PTPRQ: variants seen among roughly 807,000 people sequenced by gnomAD.
PTPRQ encodes the protein phosphatidylinositol phosphatase PTPRQ.
A neutral mutation model predicts 246.0 loss-of-function variants in PTPRQ; 199 were observed. The observed-to-expected ratio is 0.81, with a 90% confidence interval of 0.72 to 0.91. PTPRQ has a LOEUF of 0.91. Among genes scored for constraint, PTPRQ ranks in the 40% least tolerant of loss-of-function variants. The probability of loss-of-function intolerance (pLI) is 0.00; values close to 1 mark genes in which losing one functional copy is unlikely to be tolerated. For synonymous variants in PTPRQ, 869 were observed against 853.2 expected (o/e 1.02, Z -0.32); for missense variants, 2,624 against 2,528.4 (o/e 1.04, Z -0.81).
At chr12:80,481,570 A>G (rs916889555) in intron 8 of PTPRQ, among the ~76,000 whole-genome samples, 1 of 152,144 alleles carries the variant, frequency 6.6e-6, no homozygotes, top group Non-Finnish European at 1.5e-5. Context: ...AATTAGGAAA[A>G]GAGGAAGTCA....
At chr12:80,605,248 A>G in intron 27 of PTPRQ, 68 bp downstream of exon 27, 1 of 1,496,790 alleles carries the variant, frequency 6.7e-7, no homozygotes, top group South Asian at 1.3e-5. Context: ...TTGGAACCAG[A>G]CTATTTGAAT....
chr12:80,516,189 A>G (rs1895294207), intron 17 of PTPRQ, among the ~76,000 whole-genome samples: 1 of 152,146 alleles, frequency 6.6e-6, no homozygotes, highest in South Asian at 2.1e-4. Flanking sequence ...GAACTTATTT[A>G]TTTACTATTT....
intron 3 of PTPRQ, among the ~76,000 whole-genome samples, chr12:80,450,144 G>C (rs542633303): frequency 6.6e-6 from 1 of 152,090 alleles, no homozygotes; most frequent in African/African-American, 2.4e-5. Context: ...AATCAATTGT[G>C]AATGGGAGTT....
At chr12:80,514,662 A>G (rs1388268716) in intron 17 of PTPRQ, among the ~76,000 whole-genome samples, 2 of 143,354 alleles carry the variant, frequency 1.4e-5, no homozygotes, top group Non-Finnish European at 3.0e-5. Flanking sequence ...TACAAAATAT[A>G]TATTTGTATA....
rs552667526 is a variant in PTPRQ, at chr12:80,514,402, A to ACACACTCTCTCTCTCT, written c.2678+3960_2678+3961insACACTCTCTCTCTCTC. Among the ~76,000 whole-genome samples the ACACACTCTCTCTCTCT allele has an allele frequency of 3.9e-4, 44 of 113,020 alleles. No homozygotes were observed. In the East Asian group the frequency reaches 0.011, roughly 27 times the overall value. The allele number at this position is 113,020 out of a possible 152,430, so 74.1% of individuals were successfully genotyped here. A position where few individuals can be genotyped will look rare whatever the true frequency, so the allele number is the denominator to read the frequency against. The stretch of plus-strand genomic sequence containing the variant: ...CACACACACACACACACACACACAC[A>ACACACTCTCTCTCTCT]CTCTCTCTCTCTCTCTCTGCTTTAA... On this transcript the variant is annotated intron_variant, in intron 17 of 44. Coordinates refer to ENST00000644991, the MANE Select transcript of PTPRQ (RefSeq NM_001145026.2).
chr12:80,522,433 C>A (rs1895528704), intron 17 of PTPRQ, among the ~76,000 whole-genome samples: 1 of 152,120 alleles, frequency 6.6e-6, no homozygotes, highest in African/African-American at 2.4e-5. Context: ...GCATCCCTGT[C>A]TTGTGCCAGT....
At chr12:80,469,725 A>C (rs111796861) in intron 7 of PTPRQ, among the ~76,000 whole-genome samples, 78 of 152,310 alleles carry the variant, frequency 5.1e-4, no homozygotes, top group African/African-American at 1.8e-3. Context: ...TACTTCCTAA[A>C]AAAAGATAAT....
chr12:80,453,153 C>T (rs903096110), intron 3 of PTPRQ, among the ~76,000 whole-genome samples: 6 of 152,160 alleles, frequency 3.9e-5, no homozygotes, highest in Non-Finnish European at 4.4e-5. Flanking sequence ...TCCAGTTGAT[C>T]GCATCGGCTC....
At chr12:80,567,736 C>T (rs1023214363) in intron 25 of PTPRQ, among the ~76,000 whole-genome samples, 1 of 152,082 alleles carries the variant, frequency 6.6e-6, no homozygotes, top group African/African-American at 2.4e-5. Flanking sequence ...AGGAATGAAA[C>T]TGCTCTAGAT....
At chr12:80,648,866 C>A (rs911623058) in intron 35 of PTPRQ, 31 bp from the exon 36 acceptor site, 23 of 1,520,926 alleles carry the variant, frequency 1.5e-5, no homozygotes, top group Non-Finnish European at 2.0e-5. Context: ...CACTCTGACT[C>A]ACAATGCATT....
At chr12:80,541,900 A>T (rs747189804) in intron 21 of PTPRQ, 55 bp downstream of exon 21, 1 of 1,477,364 alleles carries the variant, frequency 6.8e-7, no homozygotes, top group Non-Finnish European at 8.9e-7. Context: ...TTTCATTTAC[A>T]TTGCTTTCTG....
intron 6 of PTPRQ, chr12:80,462,009 G>A (rs150726185): frequency 8.6e-6 from 6 of 695,838 alleles, no homozygotes; most frequent in Non-Finnish European, 1.6e-5. Flanking sequence ...CCAGACAGTG[G>A]ATGCAGGTCA....
chr12:80,521,934 A>G (rs1895507248), intron 17 of PTPRQ, among the ~76,000 whole-genome samples: 1 of 152,152 alleles, frequency 6.6e-6, no homozygotes, highest in African/African-American at 2.4e-5. Flanking sequence ...ATGGCATAGA[A>G]TCCATAAATT....
rs776234298 is a variant in PTPRQ at position 80,658,036 on chromosome 12, A to T, written c.6167A>T (p.Asp2056Val). The T allele has an allele frequency of 7.0e-7, 1 of 1,433,378 alleles. No individual in the cohort carries two copies. The highest frequency in any genetic ancestry group is 9.2e-7 in the Non-Finnish European group (1 of 1,088,670). The allele number at this position is 1,433,378 out of a possible 1,614,324, so 88.8% of individuals were successfully genotyped here. A position where few individuals can be genotyped will look rare whatever the true frequency, so the allele number is the denominator to read the frequency against. Reference sequence around the variant, plus strand: ...GCTGACGCTAGTGTTCCAGGTTCGGATTATATTAATGCCAGCTATATTTCT... The same window carrying T: ...GCTGACGCTAGTGTTCCAGGTTCGGTTTATATTAATGCCAGCTATATTTCT... ...LIADASVPGS[D>V]YINASYISGY... Residue 2056 changes from aspartate to valine, a missense_variant, in exon 39 of 45, where the codon GAT (aspartate) becomes GTT (valine). Asp to Val is a radical substitution (Grantham distance 152). Transcript: ENST00000644991.
chr12:80,643,028 A>T (rs182518682), intron 35 of PTPRQ, among the ~76,000 whole-genome samples: 90 of 152,204 alleles, frequency 5.9e-4, no homozygotes, highest in African/African-American at 2.2e-3. Flanking sequence ...ATTGCCTCCA[A>T]AGAGCTATCC....
chr12:80,579,037 A>G (rs1344650933), intron 25 of PTPRQ, among the ~76,000 whole-genome samples: 1 of 152,110 alleles, frequency 6.6e-6, no homozygotes, highest in Admixed American at 6.5e-5. Context: ...ATATACCATC[A>G]CATCCTGTCA....
intron 9 of PTPRQ, among the ~76,000 whole-genome samples, chr12:80,484,977 G>C (rs1894225424): frequency 6.6e-6 from 1 of 152,068 alleles, no homozygotes; most frequent in African/African-American, 2.4e-5. Flanking sequence ...GCCAGTGAAA[G>C]GCACAGTAAC....
At chr12:80,622,400 C>A (rs1158264983) in intron 33 of PTPRQ, among the ~76,000 whole-genome samples, 2 of 151,884 alleles carry the variant, frequency 1.3e-5, no homozygotes, top group Non-Finnish European at 2.9e-5. Context: ...GGATTTTATA[C>A]CCCAGGGGAT....
chr12:80,527,314 A>G (rs1895716335), intron 17 of PTPRQ, among the ~76,000 whole-genome samples: 2 of 152,094 alleles, frequency 1.3e-5, no homozygotes, highest in South Asian at 2.1e-4. Context: ...AATTTACACC[A>G]AAGTTATTTA....
Sources: allele counts gnomAD v4.1 joint callset (sites outside exome capture counted in the v4.1 genomes callset), GRCh38; gene constraint gnomAD v4.1.1; transcripts MANE v1.5; gene names NCBI Gene and HGNC (gene_info 2026-07-23, HGNC 2026-07-21).